ITIH6: variants seen among roughly 807,000 people sequenced by gnomAD.
ITIH6 encodes inter-alpha-trypsin inhibitor heavy chain H6.
In ITIH6, 60 loss-of-function variants were observed where a neutral mutation model predicts 58.2. The observed-to-expected ratio is 1.03, with a 90% CI of 0.84 to 1.28. The LOEUF is 1.28. Among genes scored for constraint, ITIH6 ranks in the 50% most tolerant of loss-of-function variants. ITIH6 has a pLI of 0.00. For synonymous variants in ITIH6, 493 were observed against 417.4 expected (o/e 1.18, Z -2.21); for missense variants, 1,290 against 1,021.1 (o/e 1.26, Z -3.59).
At chrX:54,754,198 C>G (rs779345492) in intron 9 of ITIH6, among the ~76,000 whole-genome samples, 131 of 111,656 alleles carry the variant, frequency 1.2e-3, no homozygotes, top group African/African-American at 3.9e-3. Flanking sequence ...TTCCTGCCAC[C>G]TGGAATGTTT....
chrX:54,786,757 G>T (rs1433542830), intron 5 of ITIH6, among the ~76,000 whole-genome samples: 1 of 110,851 alleles, frequency 9.0e-6, no homozygotes, highest in Admixed American at 9.6e-5. Flanking sequence ...CATGGAAAGG[G>T]CACTTCTACC....
rs777148282 is a variant in ITIH6 at position 54,758,871 on chromosome X, C to T, written c.1203G>A (p.Thr401=). The T allele has an allele frequency of 2.2e-5, 27 of 1,209,419 alleles. No individual in the cohort carries two copies. The highest frequency in any genetic ancestry group is 1.5e-4 in the East Asian group (5 of 33,710). ...LIIFLTDGEP[T]AGVTTPSVIL... Reference sequence around the variant, plus strand: ...TCACACTGGGGGTCGTCACGCCGGCCGTGGGCTCCCCATCCGTCAGGAAGA... The same window carrying T: ...TCACACTGGGGGTCGTCACGCCGGCTGTGGGCTCCCCATCCGTCAGGAAGA... Residue 401 remains threonine (T), a synonymous_variant, in exon 8 of 13, where the codon ACG becomes ACA. Coordinates refer to ENST00000218436, the MANE Select transcript of ITIH6 (RefSeq NM_198510.3).
intron 2 of ITIH6, 99 bp from the exon 3 acceptor site, chrX:54,792,135 G>A: frequency 1.8e-6 from 1 of 559,468 alleles, no homozygotes. Context: ...GAGGAGGGTA[G>A]AGATAGGGAA....
chrX:54,758,416 G>A lies in ITIH6; in HGVS notation c.1658C>T (p.Ala553Val). The A allele has an allele frequency of 1.7e-6, 2 of 1,210,191 alleles. No individual in the cohort carries two copies. The highest frequency in any genetic ancestry group is 2.2e-6 in the Non-Finnish European group (2 of 894,594). ...QKAFGCPGEP[A>V]PNVAHFIRRL... ...GCGGATGAAGTGGGCCACATTGGGG[G>A]CTGGCTCCCCTGGGCAACCAAAGGC... Residue 553 changes from alanine to valine, a missense_variant, in exon 8 of 13, where the codon GCC becomes GTC. Coordinates refer to ENST00000218436, the MANE Select transcript of ITIH6 (RefSeq NM_198510.3).
intron 5 of ITIH6, among the ~76,000 whole-genome samples, chrX:54,774,415 C>T (rs1289965504): frequency 8.9e-6 from 1 of 112,902 alleles, no homozygotes; most frequent in Admixed American, 9.3e-5. Context: ...GGGCCTGCCC[C>T]AGAGCTGTGG....
In ITIH6 at chrX:54,790,698, C is replaced by G. The variant is rs111776003; in HGVS notation, c.616+139G>C. On this transcript the variant is annotated intron_variant, in intron 4 of 12. Coordinates refer to ENST00000218436, the MANE Select transcript of ITIH6 (RefSeq NM_198510.3). The stretch of plus-strand genomic sequence containing the variant: ...AAATATTTTCACCTTCAAACATGCC[C>G]TCTTCTCACTGAATCAGGAAGGAAC... 4.8e-3 allele frequency: 3,777 copies of G among 793,362 alleles called. 89 individuals are homozygous for G. In the African/African-American group the frequency reaches 0.07, roughly 15 times the overall value. 65.4% of individuals were successfully genotyped at this position (793,362 alleles called of 1,213,427 possible).
intron 5 of ITIH6, among the ~76,000 whole-genome samples, chrX:54,775,285 G>A (rs1188823717): frequency 2.7e-5 from 3 of 111,383 alleles, no homozygotes; most frequent in Non-Finnish European, 3.8e-5. Context: ...ATCTTTCCCC[G>A]ATCCCATGCC....
Position 54,765,429 on chromosome X carries a change from A to T in ITIH6, c.904-5502T>A, listed in dbSNP as rs1282680611. Among the ~76,000 whole-genome samples the T allele has an allele frequency of 6.3e-5, 6 of 95,377 alleles. No homozygotes were observed. In the East Asian group the frequency reaches 2.0e-3, roughly 32 times the overall value. The allele number at this position is 95,377 out of a possible 115,157, so 82.8% of individuals were successfully genotyped here. A position where few individuals can be genotyped will look rare whatever the true frequency, so the allele number is the denominator to read the frequency against. Reference sequence around the variant, plus strand: ...TAAATCTTTAATCCATCTTGAATTGATTTTTGTATAAGGTGTAAGGAAGGG... The same window carrying T: ...TAAATCTTTAATCCATCTTGAATTGTTTTTTGTATAAGGTGTAAGGAAGGG... On this transcript the variant is annotated intron_variant, in intron 6 of 12. Transcript: ENST00000218436.
chrX:54,754,403 G>A (rs1217539362), intron 9 of ITIH6, among the ~76,000 whole-genome samples: 1 of 112,165 alleles, frequency 8.9e-6, no homozygotes, highest in Non-Finnish European at 1.9e-5. Context: ...GTTATTTCAT[G>A]TGACCCTATT....
intron 8 of ITIH6, 59 bp downstream of exon 8, chrX:54,756,906 C>G (rs1928497649): frequency 1.4e-6 from 1 of 740,605 alleles, no homozygotes; most frequent in African/African-American, 2.1e-5. Context: ...TTCCCAGCTC[C>G]TGGTACTGTC....
chrX:54,796,452 G>A (rs1184937940), intron 2 of ITIH6, among the ~76,000 whole-genome samples: 2 of 111,292 alleles, frequency 1.8e-5, no homozygotes, highest in South Asian at 3.8e-4. Context: ...TTGGGAGGCC[G>A]AGGTGGGCAG....
At chrX:54,761,444 A>G (rs1366262464) in intron 6 of ITIH6, among the ~76,000 whole-genome samples, 1 of 111,053 alleles carries the variant, frequency 9.0e-6, no homozygotes, top group Non-Finnish European at 1.9e-5. Flanking sequence ...TAGTTTAATT[A>G]GATCCCATTT....
rs1929335530 is a variant in ITIH6 at position 54,790,926 on chromosome X, A to G, written c.527T>C (p.Ile176Thr). ...RPGQLVKRLS[I>T]EVTVSERTGI... ...TGTCCTTTCTGACACTGTAACCTCT[A>G]TGCTCAGCCTCTTCACCAATTGGCC... is the stretch of plus-strand genomic sequence containing the variant. Residue 176 changes from isoleucine (I) to threonine (T), a missense_variant, in exon 4 of 13, where the codon ATA becomes ACA. Coordinates refer to ENST00000218436, the MANE Select transcript of ITIH6 (RefSeq NM_198510.3). The G allele has an allele frequency of 8.3e-7, 1 of 1,212,117 alleles. No individual in the cohort carries two copies. Among genetic ancestry groups the G allele is most frequent in the African/African-American group, 1.7e-5 (1 of 57,882 alleles).
chrX:54,758,562 C>T lies in ITIH6; in HGVS notation c.1512G>A (p.Val504=). ...FPNYFGGSEL[V]VAGQVQPGKQ... ...TGCCTGGCTGCACCTGTCCTGCCAC[C>T]ACCAGCTCAGAGCCACCAAAGTAGT... Residue 504 remains valine, a synonymous_variant, in exon 8 of 13, where the codon GTG becomes GTA. Coordinates refer to ENST00000218436, the MANE Select transcript of ITIH6 (RefSeq NM_198510.3). 2 of 1,211,084 alleles carry T rather than the reference C, an allele frequency of 1.7e-6. No individual in the cohort carries two copies. Among genetic ancestry groups the T allele is most frequent in the Non-Finnish European group, 2.2e-6 (2 of 895,223 alleles).
At chrX:54,764,521 G>C (rs1302603001) in intron 6 of ITIH6, among the ~76,000 whole-genome samples, 1 of 103,702 alleles carries the variant, frequency 9.6e-6, no homozygotes, top group East Asian at 3.1e-4. Flanking sequence ...TTGATTTTTT[G>C]TTCTTGCGAT....
intron 5 of ITIH6, among the ~76,000 whole-genome samples, chrX:54,776,094 C>T (rs142760030): frequency 0.011 from 1,264 of 110,613 alleles, 14 homozygotes; most frequent in African/African-American, 0.039. Context: ...AGCTGAGGCA[C>T]GGTGGGCAAG....
chrX:54,755,075 G>C lies in ITIH6; in HGVS notation c.3144C>G (p.Ile1048Met), dbSNP rs1165226312. 8.3e-7 allele frequency: 1 copy of C among 1,208,545 alleles called. No individual in the cohort carries two copies. Among genetic ancestry groups the C allele is most frequent in the African/African-American group, 1.7e-5 (1 of 57,153 alleles). ...SPNWDGNSEE[I>M]LGGAGGSMES... is the part of the protein sequence containing the mutation. ...CCATGCTGCCTCCAGCTCCTCCCAG[G>C]ATCTCCTCAGAATTGCCATCCCAGT... Residue 1048 changes from isoleucine to methionine, a missense_variant, in exon 9 of 13, where the codon ATC becomes ATG. Coordinates refer to ENST00000218436, the MANE Select transcript of ITIH6 (RefSeq NM_198510.3).
intron 6 of ITIH6, among the ~76,000 whole-genome samples, chrX:54,767,933 T>A (rs1353357387): frequency 1.2e-5 from 1 of 86,891 alleles, no homozygotes; most frequent in Non-Finnish European, 2.1e-5. Context: ...TGAGTTCAAT[T>A]CCTGGGTATC....
At chrX:54,791,293 A>G (rs1569544342) in intron 3 of ITIH6, among the ~76,000 whole-genome samples, 1 of 108,434 alleles carries the variant, frequency 9.2e-6, no homozygotes, top group African/African-American at 3.4e-5. Flanking sequence ...CAGCCTCCTA[A>G]ATATTCTGCT....
Sources: gnomAD v4.1 joint callset for allele counts (sites outside exome capture counted in the v4.1 genomes callset) on GRCh38, gnomAD v4.1.1 for gene constraint, MANE v1.5 for transcripts, NCBI Gene and HGNC (gene_info 2026-07-23, HGNC 2026-07-21) for gene names.